Variants in CROCC2 observed in about 807,000 individuals in gnomAD.
CROCC2 encodes the protein ciliary rootlet coiled-coil, rootletin family member 2.
CROCC2 carries 163 observed loss-of-function variants against 177.6 expected under a neutral mutation model. The observed-to-expected ratio is 0.92, with a 90% confidence interval of 0.81 to 1.05. The LOEUF is 1.05. Ranked by LOEUF, CROCC2 falls within the 50% of genes least tolerant of loss-of-function variation. The probability of loss-of-function intolerance (pLI) is 0.00; values close to 1 mark genes in which losing one functional copy is unlikely to be tolerated. For synonymous variants in CROCC2, 904 were observed against 787.3 expected (o/e 1.15, Z -2.48); for missense variants, 1,929 against 1,797.8 (o/e 1.07, Z -1.32).
chr2:240,945,809 C>T (rs924419356), intron 14 of CROCC2, among the ~76,000 whole-genome samples: 1 of 152,062 alleles, frequency 6.6e-6, no homozygotes, highest in African/African-American at 2.4e-5. Flanking sequence ...TTTAGATTGA[C>T]AGTTGGCTCC....
intron 18 of CROCC2, among the ~76,000 whole-genome samples, chr2:240,951,300 T>TATCC (rs1297966425): frequency 1.3e-5 from 2 of 150,086 alleles, no homozygotes; most frequent in Non-Finnish European, 3.0e-5. Flanking sequence ...TCCATCCATT[T>TATCC]ATCCATCCAT....
chr2:240,939,376 T>C (rs2059484965), intron 14 of CROCC2, among the ~76,000 whole-genome samples: 1 of 152,154 alleles, frequency 6.6e-6, no homozygotes, highest in African/African-American at 2.4e-5. Context: ...GTATCCATTT[T>C]ATATATTTTT....
chr2:240,922,365 G>A (rs996256415), intron 3 of CROCC2, among the ~76,000 whole-genome samples, 174 bp from the exon 4 acceptor site: 15 of 152,346 alleles, frequency 9.8e-5, no homozygotes, highest in South Asian at 2.1e-4. Flanking sequence ...GCCACCTGTC[G>A]GGTTCATTGT....
chr2:240,949,565 G>T lies in CROCC2; in HGVS notation c.2515G>T (p.Val839Phe). Residue 839 changes from valine to phenylalanine, a missense_variant, in exon 17 of 32, where the codon GTC becomes TTC. Physicochemically the swap from Val to Phe is conservative, Grantham distance 50. Transcript: ENST00000690015. This position sits in a 1 kb window ranked among gnomAD's most constrained non-coding sequence, Gnocchi z 4.5. ...GGAGCAGCTACAAAGTGACTGGGAG[G>T]TCCAGGAAATGAAGCTGCGGCAGGA... is the stretch of plus-strand genomic sequence containing the variant. ...EMEQLQSDWE[V>F]QEMKLRQDTV... 1 of 1,550,570 alleles carries T rather than the reference G, an allele frequency of 6.4e-7. No individual in the cohort carries two copies.
chr2:240,967,089 T>C (rs2059688873), intron 25 of CROCC2, among the ~76,000 whole-genome samples: 1 of 152,090 alleles, frequency 6.6e-6, no homozygotes, highest in African/African-American at 2.4e-5. Flanking sequence ...CACCTGTGCT[T>C]GAAACCTGGA....
chr2:240,907,591 G>A lies in CROCC2; in HGVS notation c.78+1000G>A, dbSNP rs557479734. Among the ~76,000 whole-genome samples, 9 of 152,292 alleles carry A rather than the reference G, an allele frequency of 5.9e-5. No individual in the cohort carries two copies. In the South Asian group the frequency reaches 1.0e-3, roughly 18 times the overall value. ...ATGGCCACAGCTGGTGCAGGTGACC[G>A]AGTGACAGGGTAGATGCAGGGTTTG... On this transcript the variant is annotated intron_variant, in intron 1 of 31. Transcript: ENST00000690015.
At chr2:240,952,870 C>T (rs753568434) in intron 18 of CROCC2, among the ~76,000 whole-genome samples, 7 of 152,028 alleles carry the variant, frequency 4.6e-5, no homozygotes, top group Non-Finnish European at 8.8e-5. Flanking sequence ...GGCTGAGAGC[C>T]AGGCAAAGGA....
intron 1 of CROCC2, among the ~76,000 whole-genome samples, chr2:240,914,834 A>C (rs1307612348): frequency 6.6e-6 from 1 of 152,178 alleles, no homozygotes. Context: ...CTTGGGTCTG[A>C]GCTTCAGCAG....
Position 240,955,924 on chromosome 2 carries a change from G to A in CROCC2, c.2895G>A (p.Thr965=), listed in dbSNP as rs1295313979. 2 of 1,534,908 alleles carry A rather than the reference G, an allele frequency of 1.3e-6. No homozygotes were observed. The highest frequency in any genetic ancestry group is 1.4e-5 in the African/African-American group (1 of 73,134). ...LSEELSRARR[T]LERVQQEAQS... is the part of the protein sequence containing the mutation. ...AGGAGCTCTCCAGGGCCAGGAGGACGCTAGAGCGGGTACAGCAGGAGGCAC... is the reference window on the plus strand; with the variant it reads ...AGGAGCTCTCCAGGGCCAGGAGGACACTAGAGCGGGTACAGCAGGAGGCAC... The change falls in exon 19 of 32, where the codon ACG becomes ACA. Residue 965 remains threonine (T), a synonymous_variant. Coordinates refer to ENST00000690015, the MANE Select transcript of CROCC2 (RefSeq NM_001351305.2).
chr2:240,985,711 A>G (rs1373265785), intron 28 of CROCC2, among the ~76,000 whole-genome samples: 4 of 75,110 alleles, frequency 5.3e-5, no homozygotes, highest in Admixed American at 2.7e-4. Flanking sequence ...CACTCCACAC[A>G]CACACACCCA....
chr2:240,925,703 C>A, intron 4 of CROCC2, 21 bp from the exon 5 acceptor site: 1 of 704,860 alleles, frequency 1.4e-6, no homozygotes, highest in Non-Finnish European at 2.6e-6. Context: ...CCCCACCATG[C>A]CCTGTGGGTT....
intron 1 of CROCC2, among the ~76,000 whole-genome samples, chr2:240,912,920 G>A (rs2059297502): frequency 1.3e-5 from 2 of 152,206 alleles, no homozygotes; most frequent in Admixed American, 6.5e-5. Flanking sequence ...CACGGGACAG[G>A]AGCGGTGGAT....
In CROCC2 at chr2:240,918,694, C is replaced by A. The variant is rs1438816366; in HGVS notation, c.79-32C>A. The A allele has an allele frequency of 5.5e-6, 3 of 542,564 alleles. No homozygotes were observed. Among genetic ancestry groups the A allele is most frequent in the Non-Finnish European group, 1.0e-5 (3 of 300,866 alleles). 33.6% of individuals were successfully genotyped at this position (542,564 alleles called of 1,614,324 possible). A position where few individuals can be genotyped will look rare whatever the true frequency, so the allele number is the denominator to read the frequency against. On this transcript the variant is annotated intron_variant, in intron 1 of 31. Coordinates refer to ENST00000690015, the MANE Select transcript of CROCC2 (RefSeq NM_001351305.2). This position sits in a 1 kb window ranked among gnomAD's most constrained non-coding sequence, Gnocchi z 6.3. ...GTGCCTGGCAGCTGTTGGGGGCTGC[C>A]ATCTCCAGGTATCTCTGGGGGTGTC... is the stretch of plus-strand genomic sequence containing the variant.
At chr2:240,942,743 T>A (rs930536096) in intron 14 of CROCC2, among the ~76,000 whole-genome samples, 20 of 152,316 alleles carry the variant, frequency 1.3e-4, no homozygotes, top group African/African-American at 4.6e-4. Flanking sequence ...TTCTGGCTTA[T>A]CCCAGGGTAT....
At chr2:240,945,877 G>A (rs545011023) in intron 14 of CROCC2, among the ~76,000 whole-genome samples, 183 bp from the exon 15 acceptor site, 19 of 152,026 alleles carry the variant, frequency 1.2e-4, no homozygotes, top group Admixed American at 3.3e-4. Flanking sequence ...CTGAGTGGAT[G>A]CCCCCTCTAT....
At chr2:240,906,745 C>G (rs957649521) in intron 1 of CROCC2, among the ~76,000 whole-genome samples, 154 bp downstream of exon 1, 1 of 152,242 alleles carries the variant, frequency 6.6e-6, no homozygotes, top group East Asian at 1.9e-4. Context: ...GAGCGTGCAG[C>G]CAGTCACGGA....
At chr2:240,925,702 G>A (rs754650840) in intron 4 of CROCC2, 22 bp from the exon 5 acceptor site, 7 of 704,010 alleles carry the variant, frequency 9.9e-6, no homozygotes, top group Middle Eastern at 2.3e-4. Context: ...CCCCCACCAT[G>A]CCCTGTGGGT....
chr2:240,968,849 G>C (rs999924658), intron 27 of CROCC2, among the ~76,000 whole-genome samples: 2 of 152,196 alleles, frequency 1.3e-5, no homozygotes, highest in Non-Finnish European at 2.9e-5. Flanking sequence ...CCAGGCAGTG[G>C]TGGATGGAGG....
At chr2:240,930,866 G>A in intron 6 of CROCC2, 65 bp from the exon 7 acceptor site, 1 of 632,360 alleles carries the variant, frequency 1.6e-6, no homozygotes, top group Non-Finnish European at 2.9e-6. Context: ...TGGGGCTGAT[G>A]GGACCAGGCC....
Sources: allele counts gnomAD v4.1 joint callset (sites outside exome capture counted in the v4.1 genomes callset), GRCh38; gene constraint gnomAD v4.1.1; non-coding constraint Gnocchi (gnomAD v3.1); transcripts MANE v1.5; gene names NCBI Gene and HGNC (gene_info 2026-07-23, HGNC 2026-07-21).